CNTNAP5: variants seen among roughly 807,000 people sequenced by gnomAD.
CNTNAP5 encodes the protein contactin-associated protein-like 5.
In CNTNAP5, 72 loss-of-function variants were observed where a neutral mutation model predicts 150.2. The ratio of observed to expected loss-of-function variants is 0.48; its 90% confidence interval spans 0.40 to 0.58. The LOEUF (loss-of-function observed/expected upper bound fraction) is 0.58. CNTNAP5 is among the 20% of genes least tolerant of loss of function. CNTNAP5 has a pLI of 0.00. For synonymous variants in CNTNAP5, 672 were observed against 619.8 expected (o/e 1.08, Z -1.25); for missense variants, 1,636 against 1,626.2 (o/e 1.01, Z -0.10).
intron 3 of CNTNAP5, among the ~76,000 whole-genome samples, chr2:124,405,208 A>G (rs1044658328): frequency 3.3e-5 from 5 of 152,180 alleles, no homozygotes; most frequent in East Asian, 3.8e-4. Flanking sequence ...GCGAGACTAC[A>G]TTAATGAGCC....
chr2:124,359,533 T>C (rs992373212), intron 3 of CNTNAP5, among the ~76,000 whole-genome samples: 1 of 149,860 alleles, frequency 6.7e-6, no homozygotes, highest in African/African-American at 2.5e-5. Context: ...TCAAAGAACA[T>C]CTTTATTTCT....
At chr2:124,125,529 C>A (rs76663906) in intron 1 of CNTNAP5, among the ~76,000 whole-genome samples, 6 of 152,094 alleles carry the variant, frequency 3.9e-5, no homozygotes, top group African/African-American at 1.4e-4. Context: ...ACAAGGCTAT[C>A]CAGGAATTGA....
intron 10 of CNTNAP5, among the ~76,000 whole-genome samples, chr2:124,545,255 C>A (rs1353440194): frequency 6.6e-6 from 1 of 152,162 alleles, no homozygotes; most frequent in Non-Finnish European, 1.5e-5. Context: ...ATTGACAGAA[C>A]TCCCAAAACC....
chr2:124,179,525 A>G (rs1685159297), intron 1 of CNTNAP5, among the ~76,000 whole-genome samples: 1 of 152,136 alleles, frequency 6.6e-6, no homozygotes, highest in Non-Finnish European at 1.5e-5. Context: ...GCTTTCTTTG[A>G]TTTTATTCTC....
chr2:124,075,730 T>G (rs574277409), intron 1 of CNTNAP5, among the ~76,000 whole-genome samples: 5 of 152,226 alleles, frequency 3.3e-5, no homozygotes, highest in Admixed American at 3.3e-4. Context: ...GTGGACTGAT[T>G]AGCAGATACC....
intron 3 of CNTNAP5, among the ~76,000 whole-genome samples, chr2:124,261,381 C>G (rs1687450581): frequency 6.6e-6 from 1 of 152,154 alleles, no homozygotes; most frequent in Non-Finnish European, 1.5e-5. Context: ...ATGAAGAGAA[C>G]ACGTCGCACT....
At chr2:124,671,183 A>G (rs986995361) in intron 13 of CNTNAP5, among the ~76,000 whole-genome samples, 4 of 152,246 alleles carry the variant, frequency 2.6e-5, no homozygotes, top group African/African-American at 9.6e-5. Context: ...ATCACTACCA[A>G]GAAATGTTTA....
intron 3 of CNTNAP5, among the ~76,000 whole-genome samples, chr2:124,358,757 A>G (rs1045505177): frequency 9.9e-5 from 15 of 152,018 alleles, no homozygotes; most frequent in African/African-American, 2.9e-4. Flanking sequence ...ATATTGGTCT[A>G]AAATTCTCTT....
At chr2:124,220,483 A>G (rs1034346010) in intron 1 of CNTNAP5, among the ~76,000 whole-genome samples, 1 of 152,106 alleles carries the variant, frequency 6.6e-6, no homozygotes, top group Non-Finnish European at 1.5e-5. Context: ...GGTCCCACAA[A>G]ATGTGTGTCA....
At chr2:124,399,483 C>G (rs1317078436) in intron 3 of CNTNAP5, among the ~76,000 whole-genome samples, 1 of 152,016 alleles carries the variant, frequency 6.6e-6, no homozygotes, top group Non-Finnish European at 1.5e-5. Flanking sequence ...ATAGGACAGG[C>G]AAGTTGGGGC....
At chr2:124,224,228 T>G (rs1052809902) in intron 2 of CNTNAP5, among the ~76,000 whole-genome samples, 6 of 152,060 alleles carry the variant, frequency 3.9e-5, no homozygotes, top group Non-Finnish European at 8.8e-5. Flanking sequence ...GAGTAAAAAA[T>G]CCTTCTATTA....
intron 3 of CNTNAP5, among the ~76,000 whole-genome samples, chr2:124,270,391 TA>T (rs1165505634): frequency 6.6e-6 from 1 of 152,118 alleles, no homozygotes; most frequent in Non-Finnish European, 1.5e-5. Context: ...TGATTCTGCA[TA>T]AAGGCCATAG....
chr2:124,780,950 C>CCCAGGGATCAACCT (rs1381975758), intron 17 of CNTNAP5, among the ~76,000 whole-genome samples: 27 of 152,282 alleles, frequency 1.8e-4, no homozygotes, highest in African/African-American at 5.5e-4. Context: ...TCTTCATTCT[C>CCCAGGGATCAACCT]CCAGGGATCA....
intron 3 of CNTNAP5, among the ~76,000 whole-genome samples, chr2:124,327,488 T>C (rs1573918394): frequency 6.6e-6 from 1 of 152,226 alleles, no homozygotes; most frequent in East Asian, 1.9e-4. Context: ...TCCTCAGTTT[T>C]GTAATTCAGG....
intron 14 of CNTNAP5, among the ~76,000 whole-genome samples, chr2:124,747,900 G>A (rs1278622322): frequency 2.1e-5 from 3 of 144,720 alleles, no homozygotes; most frequent in African/African-American, 7.7e-5. Flanking sequence ...GCTTCCCAAA[G>A]TGCTGGGATT....
At chr2:124,775,566 A>G (rs1402928547) in intron 17 of CNTNAP5, among the ~76,000 whole-genome samples, 2 of 152,168 alleles carry the variant, frequency 1.3e-5, no homozygotes, top group African/African-American at 4.8e-5. Context: ...TACCAGAAAT[A>G]GGCTGCGTTT....
intron 11 of CNTNAP5, among the ~76,000 whole-genome samples, chr2:124,563,954 A>G (rs907408036): frequency 1.3e-5 from 2 of 152,206 alleles, no homozygotes; most frequent in Non-Finnish European, 2.9e-5. Context: ...CCCAACCTCA[A>G]TAGGGGCTGA....
intron 13 of CNTNAP5, among the ~76,000 whole-genome samples, chr2:124,665,802 C>T (rs1246463913): frequency 4.0e-5 from 6 of 151,198 alleles, no homozygotes; most frequent in East Asian, 3.9e-4. Flanking sequence ...AGGAGAATGG[C>T]GGGAACCCGG....
At chr2:124,522,649 A>G (rs964860018) in intron 8 of CNTNAP5, among the ~76,000 whole-genome samples, 1 of 152,146 alleles carries the variant, frequency 6.6e-6, no homozygotes, top group Non-Finnish European at 1.5e-5. Flanking sequence ...GTTTGGGAAA[A>G]GTGCTCTTCA....
Sources: gnomAD v4.1 joint callset for allele counts (sites outside exome capture counted in the v4.1 genomes callset) on GRCh38, gnomAD v4.1.1 for gene constraint, MANE v1.5 for transcripts, NCBI Gene and HGNC (gene_info 2026-07-23, HGNC 2026-07-21) for gene names.